STS: variants seen among roughly 807,000 people sequenced by gnomAD.
STS encodes steroid sulfatase.
Under a neutral mutation model 26.8 loss-of-function variants are expected in STS, and 7 were observed. That is an observed-to-expected ratio of 0.26 (90% confidence interval 0.15 to 0.49). STS has a LOEUF of 0.49. Ranked by LOEUF, STS falls within the 20% of genes least tolerant of loss-of-function variation. The probability of loss-of-function intolerance (pLI) is 0.98; values close to 1 mark genes in which losing one functional copy is unlikely to be tolerated. For synonymous variants in STS, 199 were observed against 189.4 expected (o/e 1.05, Z -0.42); for missense variants, 434 against 465.6 (o/e 0.93, Z 0.63).
chrX:7,282,768 A>G (rs1924935381), intron 7 of STS, among the ~76,000 whole-genome samples: 1 of 112,367 alleles, frequency 8.9e-6, no homozygotes, highest in African/African-American at 3.2e-5. Flanking sequence ...AAGTGAAAGT[A>G]TGGCGGTCAG....
intron 2 of STS, among the ~76,000 whole-genome samples, chrX:7,200,954 G>GTGGATGGA (rs201826140): frequency 0.022 from 2,365 of 107,440 alleles, 33 homozygotes; most frequent in African/African-American, 0.04. Context: ...GGTTAGATGG[G>GTGGATGGA]TGGATGGATG....
At chrX:7,258,000 GAGAT>G (rs1456037900) in intron 5 of STS, among the ~76,000 whole-genome samples, 1 of 87,604 alleles carries the variant, frequency 1.1e-5, no homozygotes, top group East Asian at 4.0e-4. Context: ...AGACAAAGGT[GAGAT>G]AGATGGGATG....
At chrX:7,284,583 A>G (rs1925036827) in intron 7 of STS, among the ~76,000 whole-genome samples, 1 of 112,467 alleles carries the variant, frequency 8.9e-6, no homozygotes, top group Non-Finnish European at 1.9e-5. Flanking sequence ...CAATGGTTGG[A>G]TGTGGTATGA....
intron 7 of STS, among the ~76,000 whole-genome samples, chrX:7,287,678 T>TTGTA (rs1555960790): frequency 9.5e-6 from 1 of 105,505 alleles, no homozygotes; most frequent in Non-Finnish European, 2.0e-5. Flanking sequence ...TTATTTTTTA[T>TTGTA]TTTATTTATT....
At chrX:7,261,287 G>A (rs890102917) in intron 6 of STS, among the ~76,000 whole-genome samples, 2 of 110,930 alleles carry the variant, frequency 1.8e-5, no homozygotes, top group East Asian at 2.8e-4. Flanking sequence ...GGAAATATAG[G>A]TAATATTGGT....
Position 7,349,946 on chromosome X carries a change from C to G in STS, c.1422C>G (p.Asn474Lys). Residue 474 changes from asparagine to lysine, a missense_variant, in exon 11 of 11, where the codon AAC becomes AAG. By Grantham distance (94) the Asn-to-Lys change is moderately conservative. This residue lies in a region of STS where 205 missense variants were observed against 177.3 expected (regional missense o/e 1.16). Transcript: ENST00000674429. ...CCAACTTCAACCCCGTGGGTTCCAA[C>G]GGATGCTTTGCCACACACGTGTGCT... ...FTPNFNPVGSNGCFATHVCFC... is the reference protein window; with the variant it reads ...FTPNFNPVGSKGCFATHVCFC... The G allele has an allele frequency of 8.3e-7, 1 of 1,211,838 alleles. No individual in the cohort carries two copies. Among genetic ancestry groups the G allele is most frequent in the Non-Finnish European group, 1.1e-6 (1 of 895,456 alleles).
intron 6 of STS, among the ~76,000 whole-genome samples, chrX:7,262,412 G>T (rs1923793738): frequency 9.0e-6 from 1 of 111,248 alleles, no homozygotes; most frequent in Non-Finnish European, 1.9e-5. Context: ...TGTAGACCAG[G>T]CCCCATGTCT....
In STS at chrX:7,349,907, C is replaced by T; in HGVS notation, c.1383C>T (p.Ala461=). The change falls in exon 11 of 11, where the codon GCC becomes GCT. Residue 461 remains alanine, a synonymous_variant. Transcript: ENST00000674429. ...CCACAGGCACATCCATCTGGAAGGC[C>T]TTTTTCTTCACCCCCAACTTCAACC... The part of the protein sequence containing the change: ...HPQNSTSIWK[A]FFFTPNFNPV... 8.3e-7 allele frequency: 1 copy of T among 1,211,793 alleles called. No homozygotes were observed. The highest frequency in any genetic ancestry group is 1.1e-6 in the Non-Finnish European group (1 of 895,461).
intron 10 of STS, among the ~76,000 whole-genome samples, chrX:7,343,867 G>A (rs1928405745): frequency 8.9e-6 from 1 of 112,113 alleles, no homozygotes; most frequent in Non-Finnish European, 1.9e-5. Flanking sequence ...TAGAACAAGA[G>A]AGTCTTCGGG....
intron 2 of STS, among the ~76,000 whole-genome samples, chrX:7,201,961 A>C (rs1485260052): frequency 1.8e-5 from 2 of 111,200 alleles, no homozygotes; most frequent in Admixed American, 1.9e-4. Context: ...GACTGGATTA[A>C]GGAATACCTA....
At chrX:7,160,503 A>G (rs936388629) in intron 1 of STS, among the ~76,000 whole-genome samples, 1 of 112,496 alleles carries the variant, frequency 8.9e-6, no homozygotes, top group African/African-American at 3.2e-5. Flanking sequence ...AGCTTGGTAT[A>G]AAGAATACTG....
intron 1 of STS, among the ~76,000 whole-genome samples, chrX:7,176,959 G>A (rs750630291): frequency 6.3e-4 from 70 of 111,599 alleles, no homozygotes; most frequent in Non-Finnish European, 1.2e-3. Context: ...GCAAACCTCT[G>A]TTAGATCTAC....
At chrX:7,323,032 T>G (rs1476769207) in intron 8 of STS, among the ~76,000 whole-genome samples, 1 of 111,632 alleles carries the variant, frequency 9.0e-6, no homozygotes, top group Admixed American at 9.5e-5. Context: ...TAATAGCCAT[T>G]TTTTGTGCCT....
At chrX:7,253,133 A>G in intron 2 of STS, 63 bp from the exon 3 acceptor site, 5 of 1,185,718 alleles carry the variant, frequency 4.2e-6, no homozygotes, top group Non-Finnish European at 4.6e-6. Context: ...CCTGGGCAAC[A>G]GAGCAAAACC....
chrX:7,274,949 A>G (rs1347467583), intron 6 of STS, among the ~76,000 whole-genome samples: 1 of 112,085 alleles, frequency 8.9e-6, no homozygotes, highest in East Asian at 2.8e-4. Context: ...ATGGAATACT[A>G]TTCACCTTTA....
intron 9 of STS, among the ~76,000 whole-genome samples, chrX:7,327,030 C>T (rs1197054579): frequency 8.9e-6 from 1 of 111,961 alleles, no homozygotes; most frequent in African/African-American, 3.2e-5. Context: ...CCCCAGTGAT[C>T]TTTTCCTGAT....
intron 8 of STS, among the ~76,000 whole-genome samples, chrX:7,320,149 T>C (rs2147156707): frequency 1.0e-5 from 1 of 100,102 alleles, no homozygotes; most frequent in South Asian, 4.0e-4. Flanking sequence ...TATATATTTA[T>C]ATATTTTTTA....
chrX:7,236,965 G>A (rs1922342260), intron 2 of STS, among the ~76,000 whole-genome samples: 1 of 108,482 alleles, frequency 9.2e-6, no homozygotes, highest in Admixed American at 1.0e-4. Context: ...CCTTAAAATT[G>A]CATGTTAAAG....
chrX:7,184,997 G>A (rs930777586), intron 1 of STS, among the ~76,000 whole-genome samples: 2 of 111,832 alleles, frequency 1.8e-5, no homozygotes, highest in Admixed American at 9.6e-5. Flanking sequence ...TGGTTGCTTC[G>A]GCTTTTTGAG....
Sources: allele counts gnomAD v4.1 joint callset (sites outside exome capture counted in the v4.1 genomes callset), GRCh38; gene constraint gnomAD v4.1.1; regional missense constraint gnomAD v4.1.1; transcripts MANE v1.5; gene names NCBI Gene and HGNC (gene_info 2026-07-23, HGNC 2026-07-21).